PMS1: variants seen among roughly 807,000 people sequenced by gnomAD.
PMS1 encodes PMS1 homolog 1, mismatch repair system component.
Under a neutral mutation model 93.1 loss-of-function variants are expected in PMS1, and 79 were observed. The ratio of observed to expected loss-of-function variants is 0.85; its 90% CI spans 0.71 to 1.02. The LOEUF is 1.02. PMS1 is among the 50% of genes least tolerant of loss of function. The pLI, the probability that PMS1 is intolerant of heterozygous loss-of-function variation, is 0.00. For synonymous variants in PMS1, 335 were observed against 363.4 expected (o/e 0.92, Z 0.89); for missense variants, 1,064 against 1,085.3 (o/e 0.98, Z 0.28).
intron 5 of PMS1, among the ~76,000 whole-genome samples, chr2:189,828,257 G>T (rs191354931): frequency 6.6e-6 from 1 of 152,102 alleles, no homozygotes. Flanking sequence ...CTGTCACACC[G>T]TAGGGACACT....
intron 5 of PMS1, among the ~76,000 whole-genome samples, chr2:189,818,516 G>A (rs1419603596): frequency 6.6e-6 from 1 of 152,088 alleles, no homozygotes. Context: ...GACTTACTCA[G>A]CCTCCAAAAT....
Position 189,877,344 on chromosome 2 carries a change from A to G in PMS1, c.2707A>G (p.Arg903Gly), listed in dbSNP as rs1575424813. ...AGAGGACATCCAAGACATTATCTAC[A>G]GAATGAAGCACCAGTTTGGAAATGA... The part of the protein sequence containing the change: ...SKEDIQDIIY[R>G]MKHQFGNEIK... Residue 903 changes from arginine (R) to glycine (G), a missense_variant, in exon 13 of 13, where the codon AGA becomes GGA. Arg to Gly is a moderately radical substitution (Grantham distance 125, BLOSUM62 -2). Coordinates refer to ENST00000441310, the MANE Select transcript of PMS1 (RefSeq NM_000534.5). 4 of 1,613,208 alleles carry G rather than the reference A, an allele frequency of 2.5e-6. No homozygotes were observed. The highest frequency in any genetic ancestry group is 3.4e-6 in the Non-Finnish European group (4 of 1,179,108).
chr2:189,806,297 G>T, intron 4 of PMS1: 1 of 237,706 alleles, frequency 4.2e-6, no homozygotes, highest in Non-Finnish European at 8.3e-6. Context: ...ATATTACTTT[G>T]AAGCAAATAC....
intron 5 of PMS1, among the ~76,000 whole-genome samples, chr2:189,829,865 G>A (rs1430391155): frequency 1.3e-5 from 2 of 152,116 alleles, no homozygotes; most frequent in South Asian, 2.1e-4. Context: ...CTACCACTGT[G>A]GTCCAAGCCA....
At chr2:189,822,239 G>C (rs950364152) in intron 5 of PMS1, among the ~76,000 whole-genome samples, 2 of 152,206 alleles carry the variant, frequency 1.3e-5, no homozygotes. Flanking sequence ...GGGAGAGTCC[G>C]ATGCGCCTGG....
intron 5 of PMS1, among the ~76,000 whole-genome samples, chr2:189,827,264 T>C (rs971831393): frequency 3.9e-5 from 6 of 152,198 alleles, no homozygotes; most frequent in Non-Finnish European, 7.3e-5. Context: ...CACACATTTC[T>C]CTATTCCAAC....
At chr2:189,854,167 CTTT>C (rs2055078334) in intron 8 of PMS1, 69 bp from the exon 9 acceptor site, 4 of 1,384,408 alleles carry the variant, frequency 2.9e-6, no homozygotes, top group Non-Finnish European at 2.0e-6. Context: ...TTATATTTAT[CTTT>C]TTTATTATTT....
intron 12 of PMS1, among the ~76,000 whole-genome samples, chr2:189,875,573 CA>C (rs1488360997): frequency 2.6e-5 from 4 of 152,060 alleles, no homozygotes; most frequent in African/African-American, 4.8e-5. Context: ...AAGTAGGCAG[CA>C]AGTCGTATGA....
At chr2:189,807,178 A>G (rs1330732840) in intron 4 of PMS1, 1 of 164,604 alleles carries the variant, frequency 6.1e-6, no homozygotes. Context: ...ACTTTTGCCC[A>G]TTAGGAATTG....
chr2:189,810,500 A>C (rs912885741), intron 4 of PMS1, among the ~76,000 whole-genome samples: 1 of 152,190 alleles, frequency 6.6e-6, no homozygotes, highest in Non-Finnish European at 1.5e-5. Context: ...TACAAGGAGA[A>C]ACCAGCTGAA....
At chr2:189,785,630 G>C (rs1406037523) in intron 1 of PMS1, among the ~76,000 whole-genome samples, 1 of 152,190 alleles carries the variant, frequency 6.6e-6, no homozygotes, top group African/African-American at 2.4e-5. Flanking sequence ...AGAGTAACTT[G>C]TGATGAGGTT....
intron 9 of PMS1, chr2:189,855,689 TATAAA>T (rs764169043): frequency 1.7e-5 from 3 of 179,782 alleles, no homozygotes; most frequent in South Asian, 2.8e-4. Context: ...TATTATAACT[TATAAA>T]CTATAGTGGG....
chr2:189,838,174 T>A (rs1048515594), intron 5 of PMS1, among the ~76,000 whole-genome samples: 1 of 152,142 alleles, frequency 6.6e-6, no homozygotes, highest in Non-Finnish European at 1.5e-5. Context: ...CCTTAAACTG[T>A]TATGTTAAGA....
At chr2:189,852,339 A>C (rs1006809637) in intron 6 of PMS1, among the ~76,000 whole-genome samples, 1 of 152,224 alleles carries the variant, frequency 6.6e-6, no homozygotes, top group African/African-American at 2.4e-5. Context: ...GACAGAAAAA[A>C]GGTTGAGTAT....
rs571746380 is a variant in PMS1 at position 189,877,066 on chromosome 2, AAT to A, written c.2635-205_2635-204del. ...TCTGTTTTCTGTTTCTCTGCACTAGAATGTAAATTGCACAAGAGCAAGTCTTG... is the reference window on the plus strand; with the variant it reads ...TCTGTTTTCTGTTTCTCTGCACTAGAGTAAATTGCACAAGAGCAAGTCTTG... On this transcript the variant is annotated intron_variant, in intron 12 of 12. Coordinates refer to ENST00000441310, the MANE Select transcript of PMS1 (RefSeq NM_000534.5). Among the ~76,000 whole-genome samples, 32 of 152,230 alleles carry A rather than the reference AAT, an allele frequency of 2.1e-4. No homozygotes were observed. The East Asian group carries it at 5.8e-3, about 28-fold the overall frequency.
rs775649361 is a variant in PMS1 at position 189,791,849 on chromosome 2, A to G, written c.40A>G (p.Ser14Gly). 29 of 1,613,902 alleles carry G rather than the reference A, an allele frequency of 1.8e-5. No homozygotes were observed. Among genetic ancestry groups the G allele is most frequent in the South Asian group, 3.3e-5 (3 of 91,086 alleles). ...TGCGGCAACAGTTCGACTCCTTTCA[A>G]GTTCTCAGATCATCACTTCGGTGGT... Reference protein sequence around the residue: ...LPAATVRLLSSSQIITSVVSV... With the variant: ...LPAATVRLLSGSQIITSVVSV... Residue 14 changes from serine (S) to glycine (G), a missense_variant, in exon 2 of 13, where the codon AGT (serine) becomes GGT (glycine). Coordinates refer to ENST00000441310, the MANE Select transcript of PMS1 (RefSeq NM_000534.5).
At chr2:189,794,507 G>A (rs1411615880) in intron 2 of PMS1, among the ~76,000 whole-genome samples, 3 of 152,120 alleles carry the variant, frequency 2.0e-5, no homozygotes, top group Non-Finnish European at 4.4e-5. Context: ...AAAAATTGCC[G>A]ACATATACAG....
At chr2:189,838,507 T>C (rs975784763) in intron 5 of PMS1, among the ~76,000 whole-genome samples, 17 of 152,182 alleles carry the variant, frequency 1.1e-4, no homozygotes, top group Non-Finnish European at 5.9e-5. Context: ...GAGTTTCTTA[T>C]CTTGTTGAGT....
chr2:189,823,685 A>T (rs2052172047), intron 5 of PMS1, among the ~76,000 whole-genome samples: 1 of 152,208 alleles, frequency 6.6e-6, no homozygotes, highest in Admixed American at 6.5e-5. Flanking sequence ...ACAGGCATAA[A>T]ATTTAATCTT....
Sources: allele counts gnomAD v4.1 joint callset (sites outside exome capture counted in the v4.1 genomes callset), GRCh38; gene constraint gnomAD v4.1.1; transcripts MANE v1.5; gene names NCBI Gene and HGNC (gene_info 2026-07-23, HGNC 2026-07-21).